The following ZNF160 variants were observed in gnomAD, a reference collection of about 807,000 sequenced individuals.
ZNF160 encodes the protein KRAB zinc finger protein KR18.
ZNF160 carries 9 observed loss-of-function variants against 13.1 expected under a neutral mutation model. The ratio of observed to expected loss-of-function variants is 0.69; its 90% CI spans 0.41 to 1.20. The LOEUF is 1.20. Ranked by LOEUF, ZNF160 falls within the 50% of genes most tolerant of loss-of-function variation. The probability of loss-of-function intolerance (pLI) is 0.01; values close to 1 mark genes in which losing one functional copy is unlikely to be tolerated. For synonymous variants in ZNF160, 293 were observed against 333.2 expected (o/e 0.88, Z 1.31); for missense variants, 838 against 988.0 (o/e 0.85, Z 2.04).
chr19:53,068,311 G>T lies in ZNF160; in HGVS notation c.2223C>A (p.Val741=), dbSNP rs1236915888. ...TTGCCAGGTGAGCATTTTGAGTAAA[G>T]ACCTTGCCACATTCATTACATTTGT... ...KPYKCNECGK[V]FTQNAHLANH... The change falls in exon 6 of 6, where the codon GTC becomes GTA. Residue 741 remains valine (V), a synonymous_variant. Coordinates refer to ENST00000683776, the MANE Select transcript of ZNF160 (RefSeq NM_001322131.2). 1 of 1,613,872 alleles carries T rather than the reference G, an allele frequency of 6.2e-7. No homozygotes were observed. The highest frequency in any genetic ancestry group is 2.2e-5 in the East Asian group (1 of 44,870).
rs371806992 is a variant in ZNF160, at chr19:53,069,430, C to T, written c.1104G>A (p.Pro368=). The T allele has an allele frequency of 2.1e-5, 34 of 1,611,696 alleles. No homozygotes were observed. The highest frequency in any genetic ancestry group is 9.0e-5 in the East Asian group (4 of 44,676). The change falls in exon 6 of 6, where the codon CCG becomes CCA. Residue 368 remains proline (P), a synonymous_variant. Coordinates refer to ENST00000683776, the MANE Select transcript of ZNF160 (RefSeq NM_001322131.2). The surrounding 1 kb of genome is among the most constrained non-coding windows in gnomAD (Gnocchi z 4.4). The stretch of plus-strand genomic sequence containing the variant: ...GCTTGCCACATTCATTACATTTGAA[C>T]GGTTTTTCTCCAGTATGAATTAACT... ...THQLIHTGEK[P]FKCNECGKLF...
chr19:53,074,383 C>A (rs1257979517), intron 4 of ZNF160, 115 bp from the exon 5 acceptor site: 1 of 1,471,424 alleles, frequency 6.8e-7, no homozygotes, highest in East Asian at 2.4e-5. Context: ...AATTCATCCA[C>A]TGGGCCAGGC....
At chr19:53,089,296 C>T (rs757077715) in intron 2 of ZNF160, among the ~76,000 whole-genome samples, 1 of 152,126 alleles carries the variant, frequency 6.6e-6, no homozygotes, top group Non-Finnish European at 1.5e-5. Flanking sequence ...CAGTTAGTGT[C>T]GGATGGAAAA....
intron 1 of ZNF160, among the ~76,000 whole-genome samples, chr19:53,100,022 C>G (rs997551804): frequency 6.6e-6 from 1 of 152,192 alleles, no homozygotes; most frequent in African/African-American, 2.4e-5. Flanking sequence ...TGATCCCAAA[C>G]ATTTAATTCC....
chr19:53,096,658 A>G (rs2085249257), intron 1 of ZNF160, among the ~76,000 whole-genome samples: 1 of 131,818 alleles, frequency 7.6e-6, no homozygotes, highest in Non-Finnish European at 1.7e-5. Flanking sequence ...CGTGGGGCAA[A>G]CTGACTGCAG....
Position 53,068,025 on chromosome 19 carries a change from T to G in ZNF160, c.*52A>C. ...ACATTTGTAAGGATTCTGTCAAGAA[T>G]GAAATTAACTGATGTGAAAGGAGTG... On this transcript the variant is annotated 3_prime_UTR_variant, in exon 6 of 6. Transcript: ENST00000683776. 6.5e-7 allele frequency: 1 copy of G among 1,534,356 alleles called. No individual in the cohort carries two copies. Among genetic ancestry groups the G allele is most frequent in the Non-Finnish European group, 8.8e-7 (1 of 1,140,908 alleles).
At chr19:53,090,489 G>T (rs138076345) in intron 2 of ZNF160, among the ~76,000 whole-genome samples, 5 of 152,200 alleles carry the variant, frequency 3.3e-5, no homozygotes, top group African/African-American at 9.6e-5. Context: ...TCTTTCTCCT[G>T]ATCCCCTGTG....
chr19:53,073,165 T>C lies in ZNF160; in HGVS notation c.271+975A>G, dbSNP rs2084244320. On this transcript the variant is annotated intron_variant, in intron 5 of 5. Transcript: ENST00000683776. The stretch of plus-strand genomic sequence containing the variant: ...CAACCTGTGGTAACCCACATTCTAC[T>C]CTTTGCTGCTATTAGTTTTATTGGT... The C allele has an allele frequency of 2.1e-6, 3 of 1,404,584 alleles. No homozygotes were observed. The South Asian group carries it at 4.7e-5, about 22-fold the overall frequency. The allele number at this position is 1,404,584 out of a possible 1,614,324, so 87.0% of individuals were successfully genotyped here.
chr19:53,081,613 AAC>A (rs955625015), intron 3 of ZNF160, among the ~76,000 whole-genome samples: 9 of 150,464 alleles, frequency 6.0e-5, no homozygotes, highest in Non-Finnish European at 1.2e-4. Context: ...AAAAAAAAAC[AAC>A]AAATATTGAC....
At chr19:53,079,327 G>T (rs1400556236) in intron 3 of ZNF160, among the ~76,000 whole-genome samples, 1 of 152,042 alleles carries the variant, frequency 6.6e-6, no homozygotes. Context: ...AAGGCAGGTG[G>T]ATCACCTGAG....
Position 53,068,076 on chromosome 19 carries a change from C to T in ZNF160, c.*1G>A. On this transcript the variant is annotated 3_prime_UTR_variant, in exon 6 of 6. Coordinates refer to ENST00000683776, the MANE Select transcript of ZNF160 (RefSeq NM_001322131.2). ...AATTGTACCTAATGACCTCACCACA[C>T]TCATTTGTAAGGTTTCTCTCCGGTA... 1 of 1,595,638 alleles carries T rather than the reference C, an allele frequency of 6.3e-7. No individual in the cohort carries two copies. The highest frequency in any genetic ancestry group is 1.3e-5 in the African/African-American group (1 of 74,810).
intron 3 of ZNF160, among the ~76,000 whole-genome samples, chr19:53,078,940 A>G (rs905148153): frequency 6.6e-6 from 1 of 152,194 alleles, no homozygotes; most frequent in Non-Finnish European, 1.5e-5. Flanking sequence ...ACAACAAAAA[A>G]CAATTGTATG....
At chr19:53,075,946 C>T (rs1437615385) in intron 3 of ZNF160, 2 of 337,972 alleles carry the variant, frequency 5.9e-6, no homozygotes, top group African/African-American at 4.3e-5. Flanking sequence ...TCCAGATAGA[C>T]AGTGTCAGAA....
chr19:53,089,652 T>C (rs1462340812), intron 2 of ZNF160, among the ~76,000 whole-genome samples: 1 of 152,190 alleles, frequency 6.6e-6, no homozygotes, highest in Non-Finnish European at 1.5e-5. Flanking sequence ...TTTAAGCATA[T>C]TTAAAATCTG....
intron 3 of ZNF160, among the ~76,000 whole-genome samples, chr19:53,084,166 C>A (rs1010632329): frequency 6.6e-6 from 1 of 152,202 alleles, no homozygotes; most frequent in Admixed American, 6.5e-5. Context: ...GTTTCAGCCA[C>A]TTTTACAACC....
At chr19:53,086,934 G>A (rs1385747736) in intron 2 of ZNF160, among the ~76,000 whole-genome samples, 1 of 152,222 alleles carries the variant, frequency 6.6e-6, no homozygotes, top group Non-Finnish European at 1.5e-5. Flanking sequence ...TTCTCACCAG[G>A]ATCCAGACTG....
intron 1 of ZNF160, chr19:53,095,655 CTT>C (rs1357919582): frequency 6.6e-6 from 1 of 152,150 alleles, no homozygotes; most frequent in African/African-American, 2.4e-5. Flanking sequence ...AGTGTCTAGT[CTT>C]TGCTTTGCAT....
chr19:53,088,195 A>AAGAT (rs1427863452), intron 2 of ZNF160, among the ~76,000 whole-genome samples: 2 of 152,210 alleles, frequency 1.3e-5, no homozygotes, highest in African/African-American at 4.8e-5. Flanking sequence ...CATAAAAGCC[A>AAGAT]AGATAACAGA....
intron 1 of ZNF160, among the ~76,000 whole-genome samples, chr19:53,099,140 T>C (rs892848171): frequency 2.0e-5 from 3 of 148,142 alleles, no homozygotes; most frequent in Admixed American, 6.7e-5. Flanking sequence ...GAGTGTCCGA[T>C]GTGGTGATGG....
Sources: allele counts gnomAD v4.1 joint callset (sites outside exome capture counted in the v4.1 genomes callset), GRCh38; gene constraint gnomAD v4.1.1; non-coding constraint Gnocchi (gnomAD v3.1); transcripts MANE v1.5; gene names NCBI Gene and HGNC (gene_info 2026-07-23, HGNC 2026-07-21).